CDHR3: variants seen among roughly 807,000 people sequenced by gnomAD.
The protein encoded by CDHR3 is cadherin related family member 3, also known as cadherin-related family member 3.
CDHR3 carries 79 observed loss-of-function variants against 86.6 expected under a neutral mutation model. The ratio of observed to expected loss-of-function variants is 0.91; its 90% CI spans 0.76 to 1.10. The LOEUF is 1.10. Among genes scored for constraint, CDHR3 ranks in the 50% least tolerant of loss-of-function variants. The pLI is 0.00. For missense variants in CDHR3, 1,081 were observed against 1,077.6 expected (o/e 1.00, Z -0.04); for synonymous variants, 421 against 402.4 (o/e 1.05, Z -0.55).
At chr7:105,974,771 C>A in intron 1 of CDHR3, 73 bp from the exon 2 acceptor site, 1 of 1,233,662 alleles carries the variant, frequency 8.1e-7, no homozygotes, top group Non-Finnish European at 1.2e-6. Context: ...AAGCCACAAA[C>A]CAAGCTGTTA....
chr7:105,970,198 C>G (rs1386446555), intron 1 of CDHR3, among the ~76,000 whole-genome samples: 1 of 138,188 alleles, frequency 7.2e-6, no homozygotes, highest in African/African-American at 2.6e-5. Context: ...ACCCCACATT[C>G]TTGACCCGCA....
chr7:105,982,944 C>T (rs867842515), intron 3 of CDHR3, among the ~76,000 whole-genome samples: 29 of 147,628 alleles, frequency 2.0e-4, no homozygotes, highest in African/African-American at 7.0e-4. Flanking sequence ...GTTTGTGCCA[C>T]TGCACTCCAA....
intron 6 of CDHR3, among the ~76,000 whole-genome samples, chr7:106,001,186 T>C (rs950552786): frequency 1.3e-5 from 2 of 152,172 alleles, no homozygotes; most frequent in African/African-American, 4.8e-5. Context: ...TGATCTGAAA[T>C]GACATCAGGC....
chr7:106,030,214 T>C lies in CDHR3; in HGVS notation c.2305-578T>C, dbSNP rs569848921. On this transcript the variant is annotated intron_variant, in intron 17 of 18. Transcript: ENST00000317716. This position sits in a 1 kb window ranked among gnomAD's most constrained non-coding sequence, Gnocchi z 4.8. Reference sequence around the variant, plus strand: ...TAGGCAGAAGTCAGGTCCTGGAGGGTGGCACCAAGGACAGATCAGGGAAGA... The same window carrying C: ...TAGGCAGAAGTCAGGTCCTGGAGGGCGGCACCAAGGACAGATCAGGGAAGA... Among the ~76,000 whole-genome samples, 3 of 152,194 alleles carry C rather than the reference T, an allele frequency of 2.0e-5. No homozygotes were observed. The highest frequency in any genetic ancestry group is 4.2e-4 in the South Asian group (2 of 4,804).
chr7:106,017,031 G>A (rs1055160982), intron 11 of CDHR3, among the ~76,000 whole-genome samples: 5 of 152,098 alleles, frequency 3.3e-5, no homozygotes, highest in Admixed American at 2.0e-4. Context: ...AACAATATTT[G>A]TAAAAATTGC....
rs1006587668 is a variant in CDHR3 at position 106,030,960 on chromosome 7, G to C, written c.2353+120G>C. 1 of 958,788 alleles carries C rather than the reference G, an allele frequency of 1.0e-6. No homozygotes were observed. Among genetic ancestry groups the C allele is most frequent in the Non-Finnish European group, 1.6e-6 (1 of 620,560 alleles). 59.4% of individuals were successfully genotyped at this position (958,788 alleles called of 1,614,324 possible). On this transcript the variant is annotated intron_variant, in intron 18 of 18. Coordinates refer to ENST00000317716, the MANE Select transcript of CDHR3 (RefSeq NM_152750.5). This position sits in a 1 kb window ranked among gnomAD's most constrained non-coding sequence, Gnocchi z 4.8. ...TTTTGTCAATCCGTTTGGCTATGTT[G>C]CCTATATAGTGCTGACTCTTCTAGG...
chr7:105,966,237 CTA>C (rs555359642), intron 1 of CDHR3, among the ~76,000 whole-genome samples: 130 of 152,284 alleles, frequency 8.5e-4, no homozygotes, highest in South Asian at 2.7e-3. Context: ...TGGAAGCTGT[CTA>C]TGTTTTGAAG....
chr7:106,003,694 C>T (rs1368807145), intron 7 of CDHR3, among the ~76,000 whole-genome samples: 1 of 152,112 alleles, frequency 6.6e-6, no homozygotes, highest in African/African-American at 2.4e-5. Context: ...AAAGGACGTC[C>T]AGCCTTAGAC....
intron 8 of CDHR3, chr7:106,004,969 T>C (rs1229814367): frequency 2.3e-6 from 1 of 428,846 alleles, no homozygotes; most frequent in East Asian, 4.9e-5. Flanking sequence ...CTCATCTCTG[T>C]TGGTGAAAAG....
chr7:106,012,606 C>T, intron 8 of CDHR3, among the ~76,000 whole-genome samples: 1 of 152,130 alleles, frequency 6.6e-6, no homozygotes, highest in Admixed American at 6.5e-5. Flanking sequence ...AATGAGGAGC[C>T]ATTTGGGACT....
chr7:105,982,754 G>A (rs1470926616), intron 3 of CDHR3, among the ~76,000 whole-genome samples: 2 of 152,040 alleles, frequency 1.3e-5, no homozygotes, highest in South Asian at 2.1e-4. Context: ...AGGCTGAGGT[G>A]GGAGTATAGC....
chr7:106,015,864 G>A, intron 10 of CDHR3, 63 bp from the exon 11 acceptor site: 1 of 1,198,660 alleles, frequency 8.3e-7, no homozygotes, highest in Non-Finnish European at 1.2e-6. Context: ...CTTTAAAGAT[G>A]TTGAATAAAC....
chr7:106,021,389 C>G (rs1010732382), intron 13 of CDHR3, among the ~76,000 whole-genome samples: 1 of 152,200 alleles, frequency 6.6e-6, no homozygotes, highest in African/African-American at 2.4e-5. Flanking sequence ...TGCCTCGAGA[C>G]TGCAGTTGCC....
intron 4 of CDHR3, among the ~76,000 whole-genome samples, 156 bp downstream of exon 4, chr7:105,984,445 A>T (rs2074653): frequency 0.26 from 39,481 of 151,984 alleles, 6,312 homozygotes; most frequent in Non-Finnish European, 0.36. Context: ...GGTTGGAATG[A>T]ATAAAGGGGC....
chr7:106,017,950 G>A lies in CDHR3; in HGVS notation c.1531G>A (p.Val511Ile). The A allele has an allele frequency of 6.2e-7, 1 of 1,613,492 alleles. No homozygotes were observed. Reference protein sequence around the residue: ...TGGASLQYPNVFWINPKTGEL... With the variant: ...TGGASLQYPNIFWINPKTGEL... ...AGGGGCCAGCCTCCAGTATCCAAAT[G>A]TATTTTGGATTAATCCCAAGACAGG... is the stretch of plus-strand genomic sequence containing the variant. Residue 511 changes from valine to isoleucine, a missense_variant, in exon 12 of 19, where the codon GTA becomes ATA. Coordinates refer to ENST00000317716, the MANE Select transcript of CDHR3 (RefSeq NM_152750.5).
At chr7:105,996,731 C>T (rs1832303651) in intron 6 of CDHR3, among the ~76,000 whole-genome samples, 5 of 152,120 alleles carry the variant, frequency 3.3e-5, no homozygotes, top group African/African-American at 9.7e-5. Context: ...GACTCCCTAA[C>T]GCCCGCTCCT....
intron 6 of CDHR3, 70 bp downstream of exon 6, chr7:105,996,424 G>A (rs888136210): frequency 8.6e-6 from 7 of 812,772 alleles, no homozygotes; most frequent in Non-Finnish European, 1.4e-5. Context: ...CGTCTCCTCC[G>A]GCACATTTAA....
intron 10 of CDHR3, among the ~76,000 whole-genome samples, chr7:106,015,484 T>A (rs577543315): frequency 5.9e-5 from 9 of 152,188 alleles, no homozygotes; most frequent in African/African-American, 1.9e-4. Flanking sequence ...CATACAAGAT[T>A]TTTCACCATT....
intron 2 of CDHR3, among the ~76,000 whole-genome samples, chr7:105,979,209 T>A (rs187957306): frequency 5.3e-5 from 8 of 152,182 alleles, no homozygotes; most frequent in Admixed American, 3.9e-4. Flanking sequence ...GGTTAAGCAA[T>A]GGGAAGGCTG....
Sources: allele counts gnomAD v4.1 joint callset (sites outside exome capture counted in the v4.1 genomes callset), GRCh38; gene constraint gnomAD v4.1.1; non-coding constraint Gnocchi (gnomAD v3.1); transcripts MANE v1.5; gene names NCBI Gene and HGNC (gene_info 2026-07-23, HGNC 2026-07-21).